Variants in SLC25A26 observed in about 807,000 individuals in gnomAD.
The protein encoded by SLC25A26 is mitochondrial S-adenosylmethionine carrier protein.
Under a neutral mutation model 37.8 loss-of-function variants are expected in SLC25A26, and 36 were observed. The observed-to-expected ratio is 0.95, with a 90% confidence interval of 0.73 to 1.26. The LOEUF (loss-of-function observed/expected upper bound fraction) is 1.26. Among genes scored for constraint, SLC25A26 ranks in the 50% most tolerant of loss-of-function variants. SLC25A26 has a pLI of 0.00. For synonymous variants in SLC25A26, 129 were observed against 122.5 expected (o/e 1.05, Z -0.35); for missense variants, 390 against 331.1 (o/e 1.18, Z -1.38).
intron 2 of SLC25A26, among the ~76,000 whole-genome samples, chr3:66,238,081 G>A (rs570723939): frequency 1.7e-4 from 26 of 152,182 alleles, no homozygotes; most frequent in Non-Finnish European, 3.5e-4. Context: ...TGTTAAGTGA[G>A]CATCCACTCC....
At chr3:66,293,555 G>C (rs116061899) in intron 5 of SLC25A26, among the ~76,000 whole-genome samples, 2 of 150,708 alleles carry the variant, frequency 1.3e-5, no homozygotes, top group Non-Finnish European at 2.9e-5. Flanking sequence ...TCCACCGTCC[G>C]ATAGGCTGCA....
chr3:66,330,621 A>G (rs2075951486), intron 5 of SLC25A26, among the ~76,000 whole-genome samples: 1 of 149,236 alleles, frequency 6.7e-6, no homozygotes. Flanking sequence ...GTGATCCTTA[A>G]GTAAATAGAC....
intron 2 of SLC25A26, among the ~76,000 whole-genome samples, chr3:66,240,912 A>T (rs1687988951): frequency 6.6e-6 from 1 of 151,410 alleles, no homozygotes; most frequent in Non-Finnish European, 1.5e-5. Flanking sequence ...CACCCGGCTA[A>T]TTTTTTTGTA....
At position 66,378,164 on chromosome 3, in the gene SLC25A26, G is replaced by A. The variant is rs1345812385; in HGVS notation, c.*357G>A. 5.6e-6 allele frequency: 1 copy of A among 177,402 alleles called. No individual in the cohort carries two copies. Among genetic ancestry groups the A allele is most frequent in the African/African-American group, 2.4e-5 (1 of 42,360 alleles). 11.0% of individuals were successfully genotyped at this position (177,402 alleles called of 1,614,324 possible). ...TGATGGTGGATTCAGCAGAAGGCAAGATGGTTATAATTCTAAAAGAATAGC... is the reference window on the plus strand; with the variant it reads ...TGATGGTGGATTCAGCAGAAGGCAAAATGGTTATAATTCTAAAAGAATAGC... On this transcript the variant is annotated 3_prime_UTR_variant, in exon 10 of 10. Transcript: ENST00000354883.
chr3:66,283,974 G>A (rs891449865), intron 5 of SLC25A26, among the ~76,000 whole-genome samples: 1 of 152,096 alleles, frequency 6.6e-6, no homozygotes, highest in Non-Finnish European at 1.5e-5. Context: ...AATATTTTCT[G>A]ATGCCACTGA....
chr3:66,278,546 A>G (rs976942842), intron 5 of SLC25A26, among the ~76,000 whole-genome samples: 1 of 152,160 alleles, frequency 6.6e-6, no homozygotes, highest in Admixed American at 6.6e-5. Context: ...GTCAGTAGAT[A>G]AAGTTTGTTG....
At chr3:66,321,941 C>T (rs1352728565) in intron 5 of SLC25A26, among the ~76,000 whole-genome samples, 1 of 151,976 alleles carries the variant, frequency 6.6e-6, no homozygotes, top group Non-Finnish European at 1.5e-5. Flanking sequence ...GGACCAAACT[C>T]GCCCTTTTAT....
chr3:66,257,358 T>TA (rs572544912), intron 3 of SLC25A26, among the ~76,000 whole-genome samples: 12 of 150,966 alleles, frequency 7.9e-5, no homozygotes, highest in South Asian at 2.1e-4. Flanking sequence ...TAAAATGAAT[T>TA]AAAAAAAAAG....
At chr3:66,254,341 A>G (rs999668442) in intron 3 of SLC25A26, among the ~76,000 whole-genome samples, 1 of 152,246 alleles carries the variant, frequency 6.6e-6, no homozygotes, top group African/African-American at 2.4e-5. Context: ...AATTTTGGGA[A>G]TTACAAAGAG....
chr3:66,146,152 C>T, intron 1 of SLC25A26, among the ~76,000 whole-genome samples: 1 of 151,842 alleles, frequency 6.6e-6, no homozygotes, highest in Admixed American at 6.6e-5. Flanking sequence ...CCAGCCTGGC[C>T]AAAATAGTGA....
intron 6 of SLC25A26, among the ~76,000 whole-genome samples, chr3:66,361,712 C>A (rs1418774373): frequency 6.6e-6 from 1 of 152,104 alleles, no homozygotes; most frequent in Non-Finnish European, 1.5e-5. Flanking sequence ...ACCTGTAATC[C>A]CAGCACTTTG....
intron 8 of SLC25A26, among the ~76,000 whole-genome samples, chr3:66,369,822 A>G (rs1021038332): frequency 1.3e-5 from 2 of 152,220 alleles, no homozygotes; most frequent in African/African-American, 4.8e-5. Context: ...TGACAAACCT[A>G]AGGGTCAGAG....
Position 66,307,644 on chromosome 3 carries a change from G to A in SLC25A26, c.454-38720G>A, listed in dbSNP as rs145354237. Among the ~76,000 whole-genome samples, 461 of 152,084 alleles carry A rather than the reference G, an allele frequency of 3.0e-3. 3 individuals carry two copies. Among genetic ancestry groups the A allele is most frequent in the East Asian group, 0.016 (85 of 5,162 alleles). On this transcript the variant is annotated intron_variant, in intron 5 of 9. Transcript: ENST00000354883. ...TGGTTTTTATGGTTTTAGGTCTTAC[G>A]TTTAAGTCTTACATCTTGAGTTAAT...
chr3:66,266,576 CT>C lies in SLC25A26; in HGVS notation c.453+3218del, dbSNP rs1004250488. Among the ~76,000 whole-genome samples the C allele has an allele frequency of 6.6e-3, 731 of 111,526 alleles. 3 individuals are homozygous for C. Among genetic ancestry groups the C allele is most frequent in the African/African-American group, 0.014 (361 of 26,656 alleles). 73.2% of individuals were successfully genotyped at this position (111,526 alleles called of 152,430 possible). Reference sequence around the variant, plus strand: ...TTTAGATTGTGTGAATGTTGTCACACTTTTTTTTTTTTTTTTTTTTTACTGC... The same window carrying C: ...TTTAGATTGTGTGAATGTTGTCACACTTTTTTTTTTTTTTTTTTTTACTGC... On this transcript the variant is annotated intron_variant, in intron 5 of 9. Coordinates refer to ENST00000354883, the MANE Select transcript of SLC25A26 (RefSeq NM_001379210.1).
chr3:66,180,967 C>T (rs577950589), intron 1 of SLC25A26, among the ~76,000 whole-genome samples: 9 of 152,230 alleles, frequency 5.9e-5, no homozygotes, highest in South Asian at 4.2e-4. Flanking sequence ...AGTGTACATA[C>T]ACAGGAAAAA....
intron 9 of SLC25A26, among the ~76,000 whole-genome samples, chr3:66,373,285 T>G (rs1700453384): frequency 6.6e-6 from 1 of 152,228 alleles, no homozygotes; most frequent in African/African-American, 2.4e-5. Flanking sequence ...AACACGCTCC[T>G]GCTCAACTCA....
At chr3:66,209,019 T>C (rs2071227494) in intron 1 of SLC25A26, among the ~76,000 whole-genome samples, 1 of 119,316 alleles carries the variant, frequency 8.4e-6, no homozygotes, top group African/African-American at 3.0e-5. Context: ...TATATATATA[T>C]ATACACACCC....
chr3:66,200,272 G>C (rs1278492669), intron 1 of SLC25A26, among the ~76,000 whole-genome samples: 1 of 152,176 alleles, frequency 6.6e-6, no homozygotes, highest in Admixed American at 6.5e-5. Flanking sequence ...CAAGGAGACT[G>C]CTGTTGTGCT....
intron 5 of SLC25A26, among the ~76,000 whole-genome samples, chr3:66,284,189 A>G (rs1206569873): frequency 6.6e-6 from 1 of 152,118 alleles, no homozygotes; most frequent in Non-Finnish European, 1.5e-5. Context: ...CCTACAAAAA[A>G]TTTTTAAAAA....
Sources: allele counts gnomAD v4.1 joint callset (sites outside exome capture counted in the v4.1 genomes callset), GRCh38; gene constraint gnomAD v4.1.1; transcripts MANE v1.5; gene names NCBI Gene and HGNC (gene_info 2026-07-23, HGNC 2026-07-21).